Variants in GMEB1 observed in about 807,000 individuals in gnomAD.
GMEB1 encodes the protein glucocorticoid modulatory element binding protein 1.
Under a neutral mutation model 52.4 loss-of-function variants are expected in GMEB1, and 6 were observed. The observed-to-expected ratio is 0.11, with a 90% CI of 0.06 to 0.23. The LOEUF (loss-of-function observed/expected upper bound fraction) is 0.23, where lower values mean the gene tolerates loss of function less well. Among genes scored for constraint, GMEB1 ranks in the 10% least tolerant of loss-of-function variants. The pLI, the probability that GMEB1 is intolerant of heterozygous loss-of-function variation, is 1.00. For missense variants in GMEB1, 486 were observed against 685.6 expected (o/e 0.71, Z 3.25); for synonymous variants, 255 against 244.9 (o/e 1.04, Z -0.38).
intron 1 of GMEB1, among the ~76,000 whole-genome samples, chr1:28,678,417 C>T (rs1441548189): frequency 6.6e-6 from 1 of 151,946 alleles, no homozygotes; most frequent in East Asian, 2.0e-4. Context: ...GTTCGCCATT[C>T]TCCTGCCTCA....
At chr1:28,669,969 CAAGAT>C (rs1668807292) in intron 1 of GMEB1, among the ~76,000 whole-genome samples, 1 of 152,072 alleles carries the variant, frequency 6.6e-6, no homozygotes, top group African/African-American at 2.4e-5. Context: ...TGGATTCTCT[CAAGAT>C]GAGAGAAATC....
At chr1:28,691,535 C>T (rs1389158139) in intron 3 of GMEB1, 50 bp from the exon 4 acceptor site, 1 of 1,378,120 alleles carries the variant, frequency 7.3e-7, no homozygotes, top group Non-Finnish European at 9.8e-7. Flanking sequence ...TGAATTTCAG[C>T]TTTGGGGAAG....
At chr1:28,686,705 A>G (rs1669664447) in intron 2 of GMEB1, among the ~76,000 whole-genome samples, 1 of 151,942 alleles carries the variant, frequency 6.6e-6, no homozygotes, top group African/African-American at 2.4e-5. Context: ...ATAGTGGTCA[A>G]CTTAGGATGA....
chr1:28,692,106 G>A (rs1669994343), intron 4 of GMEB1, among the ~76,000 whole-genome samples: 1 of 151,618 alleles, frequency 6.6e-6, no homozygotes, highest in Admixed American at 6.6e-5. Context: ...CACTTCCTGG[G>A]TTCAGGTGAT....
At chr1:28,704,117 TAAC>T in intron 7 of GMEB1, 72 bp from the exon 8 acceptor site, 1 of 1,274,156 alleles carries the variant, frequency 7.8e-7, no homozygotes, top group Non-Finnish European at 1.1e-6. Flanking sequence ...ATTTTGAATT[TAAC>T]GTTGTAGAGA....
At chr1:28,705,101 A>C (rs1476274023) in intron 8 of GMEB1, among the ~76,000 whole-genome samples, 1 of 150,160 alleles carries the variant, frequency 6.7e-6, no homozygotes, top group East Asian at 2.0e-4. Context: ...AAAAAAAAAA[A>C]ACACAGGCCA....
intron 1 of GMEB1, among the ~76,000 whole-genome samples, chr1:28,669,591 C>G (rs931918702): frequency 9.2e-5 from 14 of 152,002 alleles, no homozygotes; most frequent in African/African-American, 3.1e-4. Flanking sequence ...GGGAAGTGAG[C>G]AGGCCCAGGT....
intron 2 of GMEB1, among the ~76,000 whole-genome samples, chr1:28,684,777 G>C (rs1173990171): frequency 1.2e-4 from 19 of 152,168 alleles, no homozygotes; most frequent in African/African-American, 4.6e-4. Context: ...TAGAGGACGA[G>C]TCAATAGGTG....
chr1:28,690,673 T>A (rs1386586952), intron 3 of GMEB1, among the ~76,000 whole-genome samples: 1 of 152,158 alleles, frequency 6.6e-6, no homozygotes, highest in Non-Finnish European at 1.5e-5. Flanking sequence ...TAGGAAACAA[T>A]TAATTAATTA....
intron 2 of GMEB1, among the ~76,000 whole-genome samples, chr1:28,687,005 G>A (rs370027941): frequency 5.5e-4 from 83 of 151,976 alleles, no homozygotes; most frequent in African/African-American, 1.6e-3. Flanking sequence ...GAAGGGATTA[G>A]GAAGGAAAGA....
In GMEB1 at chr1:28,716,363, G is replaced by A. The variant is rs1671273476; in HGVS notation, c.*1590G>A. The A allele has an allele frequency of 6.6e-6, 1 of 152,032 alleles. No homozygotes were observed. The highest frequency in any genetic ancestry group is 2.1e-4 in the South Asian group (1 of 4,820). The allele number at this position is 152,032 out of a possible 1,614,324, so 9.4% of individuals were successfully genotyped here. A position where few individuals can be genotyped will look rare whatever the true frequency, so the allele number is the denominator to read the frequency against. On this transcript the variant is annotated 3_prime_UTR_variant, in exon 10 of 10. Transcript: ENST00000373816. ...TCAATGAAACCAGCTGCCTTTTTTGGTGGGGCCATTTTTTTGGCTTTGGAA... is the reference window on the plus strand; with the variant it reads ...TCAATGAAACCAGCTGCCTTTTTTGATGGGGCCATTTTTTTGGCTTTGGAA...
intron 5 of GMEB1, 83 bp from the exon 6 acceptor site, chr1:28,696,844 G>A: frequency 9.5e-7 from 1 of 1,053,046 alleles, no homozygotes; most frequent in East Asian, 2.6e-5. Flanking sequence ...GCTCAGCAGT[G>A]TTGTCCCTAT....
intron 8 of GMEB1, among the ~76,000 whole-genome samples, chr1:28,709,362 A>C (rs1670939733): frequency 1.3e-5 from 2 of 152,072 alleles, no homozygotes; most frequent in South Asian, 4.1e-4. Context: ...CATGTTTGAC[A>C]CTTAAAATAT....
chr1:28,709,777 A>T (rs1029801790), intron 8 of GMEB1, among the ~76,000 whole-genome samples: 1 of 151,862 alleles, frequency 6.6e-6, no homozygotes, highest in Non-Finnish European at 1.5e-5. Context: ...GATTATTATT[A>T]TTTTTTACCC....
chr1:28,704,253 C>T lies in GMEB1; in HGVS notation c.792C>T (p.Cys264=), dbSNP rs1320675405. The T allele has an allele frequency of 1.9e-6, 3 of 1,613,266 alleles. No homozygotes were observed. The highest frequency in any genetic ancestry group is 3.3e-4 in the Middle Eastern group (2 of 6,076). Residue 264 remains cysteine, a synonymous_variant, in exon 8 of 10, where the codon TGC becomes TGT. Transcript: ENST00000373816. ...ADVGLMEEVV[C]NIQKEIEELL... The stretch of plus-strand genomic sequence containing the variant: ...TAGGGCTGATGGAAGAGGTTGTCTG[C>T]AATATACAGAAGGAAATAGAGGAGC...
rs878890649 is a variant in GMEB1, at chr1:28,690,203, G to GTTTTTTTTTTTTTTTTTT, written c.211+21_211+38dup. Reference sequence around the variant, plus strand: ...AAGGGATTGGTAAGGGTTTTTTTGTGTTTTTTTTTTTTTTTTTTTTTGTCA... The same window carrying GTTTTTTTTTTTTTTTTTT: ...AAGGGATTGGTAAGGGTTTTTTTGTGTTTTTTTTTTTTTTTTTTTTTTTTTTTTTTTTTTTTTTTGTCA... On this transcript the variant is annotated intron_variant, in intron 3 of 9. Transcript: ENST00000373816. The GTTTTTTTTTTTTTTTTTT allele has an allele frequency of 7.7e-6, 4 of 516,164 alleles. No individual in the cohort carries two copies. The highest frequency in any genetic ancestry group is 5.8e-5 in the African/African-American group (2 of 34,558). The allele number at this position is 516,164 out of a possible 1,614,324, so 32.0% of individuals were successfully genotyped here.
At chr1:28,712,926 G>A (rs911055388) in intron 9 of GMEB1, among the ~76,000 whole-genome samples, 1 of 151,968 alleles carries the variant, frequency 6.6e-6, no homozygotes, top group African/African-American at 2.4e-5. Context: ...GCCTAGGCGG[G>A]CAGATCACGA....
chr1:28,701,268 C>CTTTTTTT (rs67909525), intron 6 of GMEB1, among the ~76,000 whole-genome samples: 2,734 of 109,556 alleles, frequency 0.025, 230 homozygotes, highest in African/African-American at 0.064. Context: ...TAAAAGCTGT[C>CTTTTTTT]TTTTTTTTTT....
chr1:28,697,831 G>A (rs905019194), intron 6 of GMEB1, among the ~76,000 whole-genome samples: 1 of 152,134 alleles, frequency 6.6e-6, no homozygotes, highest in African/African-American at 2.4e-5. Context: ...GGAGGCTGAG[G>A]GAGGCAGATC....
Sources: gnomAD v4.1 joint callset for allele counts (sites outside exome capture counted in the v4.1 genomes callset) on GRCh38, gnomAD v4.1.1 for gene constraint, MANE v1.5 for transcripts, NCBI Gene and HGNC (gene_info 2026-07-23, HGNC 2026-07-21) for gene names.